The following THOC5 variants were observed in gnomAD, a reference collection of about 807,000 sequenced individuals.
THOC5 encodes the protein Fms-interacting protein.
Under a neutral mutation model 92.9 loss-of-function variants are expected in THOC5, and 43 were observed. The observed-to-expected ratio is 0.46, with a 90% confidence interval of 0.36 to 0.60. THOC5 has a LOEUF of 0.60. THOC5 is among the 20% of genes least tolerant of loss of function. THOC5 has a pLI of 0.00. For synonymous variants in THOC5, 296 were observed against 320.1 expected, an observed-to-expected ratio of 0.92 and a Z score of 0.80; for missense variants, 659 against 849.4, an observed-to-expected ratio of 0.78 and a Z score of 2.79.
chr22:29,543,493 G>A lies in THOC5; in HGVS notation c.290C>T (p.Thr97Ile), dbSNP rs1227705649. The change falls in exon 4 of 20, where the codon ACT becomes ATT. Residue 97 changes from threonine (T) to isoleucine (I), a missense_variant. By Grantham distance (89) the Thr-to-Ile change is moderately conservative. Transcript: ENST00000490103. ...GGCTAATCGGTTAAGCTTCTTTAGAGTCATGAAATGCACACAGCTCTGGAT... is the reference window on the plus strand; with the variant it reads ...GGCTAATCGGTTAAGCTTCTTTAGAATCATGAAATGCACACAGCTCTGGAT... ...RRIQSCVHFM[T>I]LKKLNRLAHI... The A allele has an allele frequency of 1.9e-6, 3 of 1,613,808 alleles. No homozygotes were observed. In the African/African-American group the frequency reaches 4.0e-5, roughly 22 times the overall value.
intron 1 of THOC5, among the ~76,000 whole-genome samples, chr22:29,551,856 C>T (rs1249796035): frequency 6.8e-6 from 1 of 146,958 alleles, no homozygotes; most frequent in Admixed American, 6.8e-5. Flanking sequence ...GACTGTACTG[C>T]GGCCATCTCG....
intron 18 of THOC5, 67 bp from the exon 19 acceptor site, chr22:29,511,363 C>T: frequency 6.5e-7 from 1 of 1,544,892 alleles, no homozygotes; most frequent in Non-Finnish European, 8.7e-7. Flanking sequence ...ACTGGCCAGG[C>T]TTCCGTCCCT....
rs746706029 is a variant in THOC5 at position 29,511,169 on chromosome 22, T to C, written c.1925A>G (p.His642Arg). ...CTTGGGCCCCTCCACACTGTCGTCA[T>C]GGCTCTCGGTCTCCAGGTAAACATC... ...LLDVYLETESHDDSVEGPKEF... is the reference protein window; with the variant it reads ...LLDVYLETESRDDSVEGPKEF... The change falls in exon 19 of 20, where the codon CAT becomes CGT. Residue 642 changes from histidine (H) to arginine (R), a missense_variant. Coordinates refer to ENST00000490103, the MANE Select transcript of THOC5 (RefSeq NM_003678.5). 5.0e-6 allele frequency: 8 copies of C among 1,614,246 alleles called. No homozygotes were observed. The highest frequency in any genetic ancestry group is 8.5e-7 in the Non-Finnish European group (1 of 1,180,040).
intron 1 of THOC5, among the ~76,000 whole-genome samples, chr22:29,552,995 A>C (rs1466042411): frequency 6.6e-6 from 1 of 152,114 alleles, no homozygotes; most frequent in Non-Finnish European, 1.5e-5. Context: ...TAAATGGATT[A>C]AGGGCGGGGC....
At chr22:29,542,157 A>G (rs890554160) in intron 5 of THOC5, among the ~76,000 whole-genome samples, 6 of 152,028 alleles carry the variant, frequency 3.9e-5, no homozygotes. Flanking sequence ...CAAAGAATAA[A>G]ATCCATTTGC....
chr22:29,544,946 G>T, intron 2 of THOC5: 1 of 303,712 alleles, frequency 3.3e-6, no homozygotes. Flanking sequence ...AAACAAAACG[G>T]GATCATACTG....
intron 11 of THOC5, among the ~76,000 whole-genome samples, chr22:29,527,024 C>T (rs1263069121): frequency 5.3e-5 from 8 of 152,086 alleles, no homozygotes; most frequent in African/African-American, 1.4e-4. Context: ...TGGTGTGGAT[C>T]GCTGTTAATC....
chr22:29,543,531 T>C lies in THOC5; in HGVS notation c.252A>G (p.Ile84Met). 6.2e-7 allele frequency: 1 copy of C among 1,613,480 alleles called. No individual in the cohort carries two copies. The highest frequency in any genetic ancestry group is 8.5e-7 in the Non-Finnish European group (1 of 1,179,584). ...SRGGKDVAIE[I>M]EERRIQSCVH... ...CACAGCTCTGGATCCTCCGTTCTTC[T>C]ATTTCTATTGCCTGTGGGCAAAGAA... Residue 84 changes from isoleucine to methionine, a missense_variant, in exon 4 of 20, where the codon ATA (isoleucine) becomes ATG (methionine). Physicochemically the swap from Ile to Met is conservative, Grantham distance 10. Coordinates refer to ENST00000490103, the MANE Select transcript of THOC5 (RefSeq NM_003678.5).
chr22:29,513,007 C>CAGAGG (rs1227076719), intron 17 of THOC5, among the ~76,000 whole-genome samples: 1 of 152,144 alleles, frequency 6.6e-6, no homozygotes, highest in Non-Finnish European at 1.5e-5. Context: ...ATTCAAATAA[C>CAGAGG]AGAGGAGAGG....
Position 29,517,532 on chromosome 22 carries a change from G to C in THOC5, c.1490-166C>G, listed in dbSNP as rs558055778. The stretch of plus-strand genomic sequence containing the variant: ...AGGTCAACACGTGCCAGGAATGCAA[G>C]CATGTCAACCTGACCTTCACCCAGT... On this transcript the variant is annotated intron_variant, in intron 15 of 19. Transcript: ENST00000490103. 2.0e-5 allele frequency among the ~76,000 whole-genome samples: 3 copies of C among 152,342 alleles called. No individual in the cohort carries two copies. In the South Asian group the frequency reaches 6.2e-4, roughly 32 times the overall value.
chr22:29,519,537 G>T (rs2063398486), intron 14 of THOC5, among the ~76,000 whole-genome samples: 1 of 152,114 alleles, frequency 6.6e-6, no homozygotes, highest in Non-Finnish European at 1.5e-5. Context: ...ACTCTTGTAA[G>T]TCTAAGACAT....
chr22:29,529,324 T>G, intron 8 of THOC5, 85 bp from the exon 9 acceptor site: 2 of 1,370,650 alleles, frequency 1.5e-6, no homozygotes, highest in East Asian at 4.6e-5. Flanking sequence ...GGGCTGCATT[T>G]CTCCCACCTC....
At chr22:29,511,916 G>A in intron 18 of THOC5, 105 bp downstream of exon 18, 1 of 885,102 alleles carries the variant, frequency 1.1e-6, no homozygotes, top group Non-Finnish European at 1.8e-6. Context: ...CTTCTGTTTT[G>A]GGAATTAAGG....
At chr22:29,528,334 T>C (rs1404750512) in intron 10 of THOC5, 92 bp downstream of exon 10, 1 of 1,613,968 alleles carries the variant, frequency 6.2e-7, no homozygotes. Flanking sequence ...CTTTCACACC[T>C]CTTCTGCTTC....
rs756109353 is a variant in THOC5 at position 29,519,074 on chromosome 22, G to T, written c.1421C>A (p.Thr474Asn). 6.2e-7 allele frequency: 1 copy of T among 1,611,694 alleles called. No individual in the cohort carries two copies. The highest frequency in any genetic ancestry group is 8.5e-7 in the Non-Finnish European group (1 of 1,178,942). Residue 474 changes from threonine to asparagine, a missense_variant, in exon 15 of 20, where the codon ACC becomes AAC. Thr to Asn is a moderately conservative substitution (Grantham distance 65). Coordinates refer to ENST00000490103, the MANE Select transcript of THOC5 (RefSeq NM_003678.5). ...CCTGGTCTTCAGAAGTTTCATGGTG[G>T]TCTCCATGTGGCTGGCGCTCAGCGA... ...DHSLSASHME[T>N]TMKLLKTRVQ...
intron 19 of THOC5, 45 bp downstream of exon 19, chr22:29,511,061 C>A: frequency 1.3e-6 from 2 of 1,585,156 alleles, no homozygotes; most frequent in South Asian, 2.3e-5. Flanking sequence ...GATCTCTGTC[C>A]CACATCACCA....
intron 5 of THOC5, among the ~76,000 whole-genome samples, chr22:29,542,321 G>C (rs926977846): frequency 2.0e-5 from 3 of 152,172 alleles, no homozygotes; most frequent in Admixed American, 6.5e-5. Flanking sequence ...TTTACCAAGT[G>C]CAGAGCTCAA....
chr22:29,512,268 G>C (rs2063239711), intron 17 of THOC5, 132 bp from the exon 18 acceptor site: 2 of 664,188 alleles, frequency 3.0e-6, no homozygotes, highest in African/African-American at 3.6e-5. Flanking sequence ...AGTATATTCT[G>C]GTACCAACTG....
chr22:29,522,909 G>A (rs966101411), intron 12 of THOC5, among the ~76,000 whole-genome samples: 1 of 152,176 alleles, frequency 6.6e-6, no homozygotes, highest in Non-Finnish European at 1.5e-5. Context: ...GCTGAGGCAG[G>A]AGAACTGCAT....
Sources: gnomAD v4.1 joint callset for allele counts (sites outside exome capture counted in the v4.1 genomes callset) on GRCh38, gnomAD v4.1.1 for gene constraint, MANE v1.5 for transcripts, NCBI Gene and HGNC (gene_info 2026-07-23, HGNC 2026-07-21) for gene names.